C3orf49: variants seen among roughly 807,000 people sequenced by gnomAD.
The protein encoded by C3orf49 is putative uncharacterized protein C3orf49.
Under a neutral mutation model 13.3 loss-of-function variants are expected in C3orf49, and 27 were observed. The observed-to-expected ratio is 2.02, with a 90% confidence interval of 1.49 to 2.79. The LOEUF is 2.79. C3orf49 is among the 30% of genes most tolerant of loss of function. The probability of loss-of-function intolerance (pLI) is 0.00; values close to 1 mark genes in which losing one functional copy is unlikely to be tolerated. For missense variants in C3orf49, 242 were observed against 134.2 expected (o/e 1.80, Z -3.97); for synonymous variants, 87 against 47.6 (o/e 1.83, Z -3.40).
chr3:63,831,291 C>T (rs1186743000), intron 4 of C3orf49, 68 bp downstream of exon 4: 6 of 680,086 alleles, frequency 8.8e-6, no homozygotes, highest in African/African-American at 5.4e-5. Context: ...AGTAAACGCA[C>T]AGCCCTGCTA....
the C3orf49 span, among the ~76,000 whole-genome samples, chr3:63,797,866 A>G: frequency 1.3e-5 from 2 of 152,120 alleles, no homozygotes; most frequent in Non-Finnish European, 2.9e-5. Context: ...CTGGCCCTGG[A>G]ATTTAGGTAG....
chr3:63,801,017 G>A, the C3orf49 span, among the ~76,000 whole-genome samples: 1 of 152,114 alleles, frequency 6.6e-6, no homozygotes. Context: ...CACCAAGCTC[G>A]CAGTTTTAGA....
the C3orf49 span, among the ~76,000 whole-genome samples, chr3:63,802,185 T>C: frequency 2.0e-5 from 3 of 152,188 alleles, no homozygotes; most frequent in African/African-American, 7.2e-5. Context: ...TTTCCGTTGA[T>C]TTATCTATAT....
At chr3:63,848,118 G>T (rs904897964) in intron 6 of C3orf49, among the ~76,000 whole-genome samples, 1 of 152,124 alleles carries the variant, frequency 6.6e-6, no homozygotes, top group Non-Finnish European at 1.5e-5. Context: ...ATATTTCTTT[G>T]ATGTATTTAA....
rs769549504 is a variant in C3orf49 at position 63,836,306 on chromosome 3, T to G, written c.849+4462T>G. On this transcript the variant is annotated intron_variant, in intron 5 of 6. Coordinates refer to ENST00000295896, the MANE Select transcript of C3orf49 (RefSeq NM_001355236.2). ...AAGTAAAGCTCTACACTTACTTTAA[T>G]GTCTCATGCCTGTCTGGATGGTGCT... is the stretch of plus-strand genomic sequence containing the variant. 3 of 1,612,494 alleles carry G rather than the reference T, an allele frequency of 1.9e-6. No individual in the cohort carries two copies. The South Asian group carries it at 3.3e-5, about 18-fold the overall frequency.
At chr3:63,817,666 A>C (rs895572250), upstream of C3orf49, among the ~76,000 whole-genome samples, 3 of 151,570 alleles carry the variant, frequency 2.0e-5, no homozygotes, top group African/African-American at 7.3e-5. Context: ...CTCTTTCCCC[A>C]CCCCCTTCCC....
chr3:63,831,419 G>A (rs577600448), intron 4 of C3orf49, among the ~76,000 whole-genome samples, 196 bp downstream of exon 4: 2 of 152,164 alleles, frequency 1.3e-5, no homozygotes, highest in Non-Finnish European at 2.9e-5. Context: ...CTGTGTACCT[G>A]ATAAATGTTA....
At chr3:63,831,326 T>G (rs534922300) in intron 4 of C3orf49, 103 bp downstream of exon 4, 1 of 631,846 alleles carries the variant, frequency 1.6e-6, no homozygotes, top group South Asian at 1.9e-5. Flanking sequence ...GGGATGAAAT[T>G]AATGATTAGC....
At chr3:63,782,767 A>T in the C3orf49 span, 1 of 152,234 alleles carries the variant, frequency 6.6e-6, no homozygotes, top group Non-Finnish European at 1.5e-5. Context: ...AAGTCTGCTA[A>T]TCTCCATACA....
chr3:63,842,630 T>C (rs187632919), intron 5 of C3orf49, among the ~76,000 whole-genome samples: 2 of 152,198 alleles, frequency 1.3e-5, no homozygotes, highest in Admixed American at 6.5e-5. Context: ...TTCTCACTTA[T>C]AAGTGGGAGC....
At chr3:63,839,080 C>T (rs571667768) in intron 5 of C3orf49, among the ~76,000 whole-genome samples, 4 of 152,084 alleles carry the variant, frequency 2.6e-5, no homozygotes, top group Non-Finnish European at 5.9e-5. Flanking sequence ...ATCCCAGCTA[C>T]TCAGGAGGTT....
In C3orf49 at chr3:63,834,165, C is replaced by T. The variant is rs1172033772; in HGVS notation, c.849+2321C>T. 2.5e-6 allele frequency: 4 copies of T among 1,614,028 alleles called. No individual in the cohort carries two copies. The East Asian group carries it at 6.7e-5, about 27-fold the overall frequency. The stretch of plus-strand genomic sequence containing the variant: ...TAGGATCTGTTTCCATGCTTGCTTC[C>T]TGAGCTTCTTCTACCTCTGAGAGTT... On this transcript the variant is annotated intron_variant, in intron 5 of 6. Coordinates refer to ENST00000295896, the MANE Select transcript of C3orf49 (RefSeq NM_001355236.2).
intron 5 of C3orf49, among the ~76,000 whole-genome samples, chr3:63,844,611 C>A (rs974247902): frequency 9.9e-5 from 15 of 152,154 alleles, no homozygotes; most frequent in African/African-American, 3.6e-4. Context: ...CCCTGATGAA[C>A]AGGCTTATGC....
At chr3:63,821,614 G>T (rs1272194262) in intron 1 of C3orf49, among the ~76,000 whole-genome samples, 1 of 151,960 alleles carries the variant, frequency 6.6e-6, no homozygotes, top group Non-Finnish European at 1.5e-5. Flanking sequence ...CTATTACTCA[G>T]CAATAAAAAG....
intron 5 of C3orf49, chr3:63,837,889 C>A: frequency 8.4e-7 from 1 of 1,187,280 alleles, no homozygotes; most frequent in Non-Finnish European, 1.2e-6. Flanking sequence ...ATTCAGGCTG[C>A]AGATTTTACC....
At chr3:63,844,846 A>G (rs1701852721) in intron 5 of C3orf49, among the ~76,000 whole-genome samples, 177 bp from the exon 6 acceptor site, 1 of 152,206 alleles carries the variant, frequency 6.6e-6, no homozygotes, top group South Asian at 2.1e-4. Context: ...TAAATTACCC[A>G]TTCTCTGGTA....
At chr3:63,829,930 C>A (rs1035790118) in intron 3 of C3orf49, among the ~76,000 whole-genome samples, 4 of 152,146 alleles carry the variant, frequency 2.6e-5, no homozygotes, top group African/African-American at 9.7e-5. Context: ...CATGCCACTG[C>A]TCTCCAGCCT....
the C3orf49 span, among the ~76,000 whole-genome samples, chr3:63,785,221 G>A: frequency 2.0e-5 from 3 of 151,684 alleles, no homozygotes; most frequent in South Asian, 4.2e-4. Context: ...ACATGCGCCC[G>A]CCACCATGCC....
At chr3:63,830,385 T>C (rs1247631974) in intron 3 of C3orf49, among the ~76,000 whole-genome samples, 1 of 152,294 alleles carries the variant, frequency 6.6e-6, no homozygotes, top group East Asian at 1.9e-4. Context: ...AGGGTAGCAG[T>C]GGTTCAGCAG....
Sources: gnomAD v4.1 joint callset for allele counts (sites outside exome capture counted in the v4.1 genomes callset) on GRCh38, gnomAD v4.1.1 for gene constraint, MANE v1.5 for transcripts, NCBI Gene and HGNC (gene_info 2026-07-23, HGNC 2026-07-21) for gene names.